The following DLGAP1 variants were observed in gnomAD, a reference collection of about 807,000 sequenced individuals.
DLGAP1 encodes the protein disks large-associated protein 1.
In DLGAP1, 11 loss-of-function variants were observed where a neutral mutation model predicts 90.8. The ratio of observed to expected loss-of-function variants is 0.12; its 90% confidence interval spans 0.08 to 0.20. The LOEUF (loss-of-function observed/expected upper bound fraction) is 0.20. Among genes scored for constraint, DLGAP1 ranks in the 10% least tolerant of loss-of-function variants. The probability of loss-of-function intolerance (pLI) is 1.00; values close to 1 mark genes in which losing one functional copy is unlikely to be tolerated. For synonymous variants in DLGAP1, 558 were observed against 540.7 expected (o/e 1.03, Z -0.44); for missense variants, 1,050 against 1,333.8 (o/e 0.79, Z 3.31).
intron 1 of DLGAP1, among the ~76,000 whole-genome samples, chr18:4,277,595 A>C (rs1034262252): frequency 2.0e-5 from 3 of 152,210 alleles, no homozygotes; most frequent in Admixed American, 1.3e-4. Context: ...GGAAACTTTA[A>C]AGTTCCCTTT....
At chr18:4,225,904 C>G (rs1456599958) in intron 1 of DLGAP1, among the ~76,000 whole-genome samples, 1 of 152,034 alleles carries the variant, frequency 6.6e-6, no homozygotes, top group Non-Finnish European at 1.5e-5. Flanking sequence ...TAACACAGAA[C>G]TTCCCCAACC....
chr18:4,162,293 G>A (rs2076860357), intron 1 of DLGAP1, among the ~76,000 whole-genome samples: 1 of 152,196 alleles, frequency 6.6e-6, no homozygotes, highest in African/African-American at 2.4e-5. Flanking sequence ...AAGGATTATT[G>A]GTATCAATAA....
At chr18:3,931,626 C>G (rs187234675) in intron 3 of DLGAP1, among the ~76,000 whole-genome samples, 1 of 152,240 alleles carries the variant, frequency 6.6e-6, no homozygotes, top group East Asian at 1.9e-4. Flanking sequence ...CTTTGGAAAG[C>G]AGTGAATTTG....
intron 2 of DLGAP1, among the ~76,000 whole-genome samples, chr18:4,101,861 T>C (rs913270853): frequency 1.3e-5 from 2 of 151,750 alleles, no homozygotes; most frequent in African/African-American, 4.8e-5. Context: ...CATTTGTACA[T>C]ATATAAGCAG....
intron 5 of DLGAP1, among the ~76,000 whole-genome samples, chr18:3,809,254 G>A (rs750504267): frequency 1.3e-5 from 2 of 152,098 alleles, no homozygotes; most frequent in African/African-American, 4.8e-5. Flanking sequence ...AGGGAGAGCC[G>A]CCCAAGTGGT....
At chr18:4,436,837 T>C (rs1053025661) in intron 1 of DLGAP1, among the ~76,000 whole-genome samples, 3 of 152,206 alleles carry the variant, frequency 2.0e-5, no homozygotes, top group Non-Finnish European at 2.9e-5. Flanking sequence ...CTAACAGTGA[T>C]TATGCTTATC....
chr18:4,363,300 A>G (rs1232535629), intron 1 of DLGAP1, among the ~76,000 whole-genome samples: 4 of 152,204 alleles, frequency 2.6e-5, no homozygotes, highest in Admixed American at 2.6e-4. Context: ...GGGGAGACAC[A>G]GGAAATAAAA....
chr18:3,550,525 C>T (rs905420669), intron 9 of DLGAP1, among the ~76,000 whole-genome samples: 2 of 152,114 alleles, frequency 1.3e-5, no homozygotes, highest in Non-Finnish European at 2.9e-5. Context: ...TGCACCTGGC[C>T]TTAGGGCCTT....
rs150120978 is a variant in DLGAP1 at position 3,628,243 on chromosome 18, G to A, written c.1592-45995C>T. On this transcript the variant is annotated intron_variant, in intron 7 of 12. Transcript: ENST00000315677. ...CTCGCTCTGTCACCTAGGCTGGAGT[G>A]CAGTGGTGTGATCTTGGCTCGCTGT... 2.8e-3 allele frequency among the ~76,000 whole-genome samples: 411 copies of A among 147,688 alleles called. 1 individual carries two copies. The highest frequency in any genetic ancestry group is 8.7e-3 in the African/African-American group (347 of 39,718).
intron 7 of DLGAP1, among the ~76,000 whole-genome samples, chr18:3,640,715 C>G (rs770814623): frequency 3.2e-4 from 48 of 152,330 alleles, no homozygotes; most frequent in Non-Finnish European, 3.4e-4. Flanking sequence ...CGGAGCAACC[C>G]GGCAGTTTCC....
intron 3 of DLGAP1, among the ~76,000 whole-genome samples, chr18:3,930,451 G>A (rs2072490756): frequency 6.6e-6 from 1 of 152,158 alleles, no homozygotes; most frequent in African/African-American, 2.4e-5. Context: ...GTCTACATTA[G>A]TTCATTTTTA....
chr18:3,752,550 C>T (rs1172747137), intron 5 of DLGAP1, among the ~76,000 whole-genome samples: 1 of 136,282 alleles, frequency 7.3e-6, no homozygotes, highest in East Asian at 2.2e-4. Flanking sequence ...TCCCTCCCTC[C>T]CTTCCTTCCT....
chr18:3,828,730 A>T (rs1412419790), intron 4 of DLGAP1, among the ~76,000 whole-genome samples: 1 of 151,602 alleles, frequency 6.6e-6, no homozygotes, highest in Non-Finnish European at 1.5e-5. Context: ...TTTTTATTAT[A>T]ATTTACATAG....
At chr18:3,897,696 A>G (rs1829241244) in intron 3 of DLGAP1, among the ~76,000 whole-genome samples, 1 of 152,104 alleles carries the variant, frequency 6.6e-6, no homozygotes, top group Non-Finnish European at 1.5e-5. Flanking sequence ...TCAAAGAGGA[A>G]GTATAGTAAA....
intron 1 of DLGAP1, among the ~76,000 whole-genome samples, chr18:4,202,153 A>C (rs1467656159): frequency 6.6e-6 from 1 of 152,020 alleles, no homozygotes; most frequent in Non-Finnish European, 1.5e-5. Flanking sequence ...ACACACACAC[A>C]CCATAGGATA....
chr18:3,843,082 C>A (rs2068809770), intron 4 of DLGAP1, among the ~76,000 whole-genome samples: 1 of 152,224 alleles, frequency 6.6e-6, no homozygotes, highest in Admixed American at 6.5e-5. Context: ...TCAGTCACCA[C>A]TGTCCTCAGC....
At chr18:3,721,550 C>A (rs2147351494) in intron 7 of DLGAP1, 1 of 152,038 alleles carries the variant, frequency 6.6e-6, no homozygotes, top group Admixed American at 6.6e-5. Flanking sequence ...ATTTCACAGA[C>A]AAACCAACAT....
rs1568127684 is a variant in DLGAP1, at chr18:3,523,717, TGC to T, written c.2479+10475_2479+10476del. On this transcript the variant is annotated intron_variant, in intron 10 of 12. Transcript: ENST00000315677. ...AAAAAATTAGCCAGGCGTGGTGGCG[TGC>T]GCCCGTAGTCCCAGCTACACTGGGA... Among the ~76,000 whole-genome samples the T allele has an allele frequency of 7.3e-5, 11 of 151,722 alleles. 1 individual carries two copies. Among genetic ancestry groups the T allele is most frequent in the African/African-American group, 2.2e-4 (9 of 41,360 alleles).
intron 2 of DLGAP1, among the ~76,000 whole-genome samples, chr18:4,032,325 G>T (rs867324190): frequency 6.6e-6 from 1 of 152,166 alleles, no homozygotes; most frequent in Non-Finnish European, 1.5e-5. Context: ...GAAAATCTCT[G>T]TAGTCTACCT....
Sources: gnomAD v4.1 joint callset for allele counts (sites outside exome capture counted in the v4.1 genomes callset) on GRCh38, gnomAD v4.1.1 for gene constraint, MANE v1.5 for transcripts, NCBI Gene and HGNC (gene_info 2026-07-23, HGNC 2026-07-21) for gene names.